The following BTBD8 variants were observed in gnomAD, a reference collection of about 807,000 sequenced individuals.
BTBD8 encodes BTB/POZ domain-containing protein 8.
BTBD8 carries 110 observed loss-of-function variants against 162.9 expected under a neutral mutation model. The observed-to-expected ratio is 0.68, with a 90% CI of 0.58 to 0.79. The LOEUF (loss-of-function observed/expected upper bound fraction) is 0.79. Among genes scored for constraint, BTBD8 ranks in the 30% least tolerant of loss-of-function variants. The pLI is 0.00. For synonymous variants in BTBD8, 667 were observed against 716.1 expected (o/e 0.93, Z 1.10); for missense variants, 1,905 against 2,085.4 (o/e 0.91, Z 1.68).
intron 13 of BTBD8, among the ~76,000 whole-genome samples, chr1:92,171,686 G>A (rs1160649138): frequency 6.6e-6 from 1 of 152,076 alleles, no homozygotes; most frequent in Non-Finnish European, 1.5e-5. Flanking sequence ...TCATTTCCTT[G>A]AAAACCTTTT....
At chr1:92,125,457 A>G (rs969835432) in intron 4 of BTBD8, 3 of 314,576 alleles carry the variant, frequency 9.5e-6, no homozygotes, top group Non-Finnish European at 1.9e-5. Flanking sequence ...TTCCTCAGGG[A>G]ACACTTTGAG....
At chr1:92,144,810 T>TACAC (rs10631515) in intron 7 of BTBD8, among the ~76,000 whole-genome samples, 79,944 of 140,528 alleles carry the variant, frequency 0.57, 22,692 homozygotes, top group East Asian at 0.84. Context: ...AAAAAAAAAC[T>TACAC]ACACACACAC....
At chr1:92,160,588 A>G (rs1206286791) in intron 9 of BTBD8, among the ~76,000 whole-genome samples, 1 of 151,968 alleles carries the variant, frequency 6.6e-6, no homozygotes, top group African/African-American at 2.4e-5. Context: ...CATCTAGAGT[A>G]TCCTGGGTCC....
chr1:92,120,166 A>G (rs1187586596), intron 4 of BTBD8, among the ~76,000 whole-genome samples: 1 of 152,138 alleles, frequency 6.6e-6, no homozygotes, highest in Non-Finnish European at 1.5e-5. Flanking sequence ...TGCTAGGATT[A>G]CAGGTGTGAG....
At chr1:92,082,396 ATTGCT>A in intron 1 of BTBD8, among the ~76,000 whole-genome samples, 1 of 152,302 alleles carries the variant, frequency 6.6e-6, no homozygotes, top group Non-Finnish European at 1.5e-5. Flanking sequence ...TTAATAAAAC[ATTGCT>A]TTGTTGTTTG....
chr1:92,126,312 C>G, intron 4 of BTBD8: 1 of 593,110 alleles, frequency 1.7e-6, no homozygotes, highest in Non-Finnish European at 3.3e-6. Flanking sequence ...ATTTGCATTC[C>G]TGATGAATCA....
chr1:92,091,943 C>A (rs373388121), intron 2 of BTBD8, among the ~76,000 whole-genome samples: 1 of 152,138 alleles, frequency 6.6e-6, no homozygotes, highest in Non-Finnish European at 1.5e-5. Flanking sequence ...GACACTCTTA[C>A]TGAAAATCAG....
rs1649713259 is a variant in BTBD8 at position 92,139,407 on chromosome 1, C to A, written c.810C>A (p.Asp270Glu). Residue 270 changes from aspartate to glutamate, a missense_variant, in exon 6 of 18, where the codon GAC (aspartate) becomes GAA (glutamate). Asp to Glu is a conservative substitution (Grantham distance 45, BLOSUM62 2). This residue lies in a region of BTBD8 where 1,374 missense variants were observed against 1,442.7 expected (regional missense o/e 0.95). Coordinates refer to ENST00000636805, the MANE Select transcript of BTBD8 (RefSeq NM_001376131.1). Reference protein sequence around the residue: ...MMHFIYGGTLDIPDKTNVGQI... With the variant: ...MMHFIYGGTLEIPDKTNVGQI... ...ATTTTATATATGGAGGAACTCTGGA[C>A]ATTCCAGACAAAACTAATGTTGGGT... 3.7e-6 allele frequency: 6 copies of A among 1,603,050 alleles called. No individual in the cohort carries two copies. The highest frequency in any genetic ancestry group is 5.1e-6 in the Non-Finnish European group (6 of 1,177,024).
chr1:92,169,877 A>G (rs1249766313), intron 12 of BTBD8, among the ~76,000 whole-genome samples: 1 of 152,194 alleles, frequency 6.6e-6, no homozygotes, highest in Non-Finnish European at 1.5e-5. Context: ...TGTGATATGA[A>G]GAGCACTTTT....
Position 92,080,737 on chromosome 1 carries a change from AC to A in BTBD8, c.149+18del. 1 of 1,600,194 alleles carries A rather than the reference AC, an allele frequency of 6.2e-7. No homozygotes were observed. The highest frequency in any genetic ancestry group is 8.5e-7 in the Non-Finnish European group (1 of 1,174,496). ...TTTGCTCAGGTAGGAGGAGGCGGGA[AC>A]TCTGGCTGCTTCAGTTCCTAAATCG... On this transcript the variant is annotated intron_variant, in intron 1 of 17. Coordinates refer to ENST00000636805, the MANE Select transcript of BTBD8 (RefSeq NM_001376131.1).
intron 5 of BTBD8, among the ~76,000 whole-genome samples, chr1:92,138,646 T>G (rs1185322423): frequency 6.6e-6 from 1 of 152,224 alleles, no homozygotes; most frequent in Non-Finnish European, 1.5e-5. Context: ...AACCAGTTGT[T>G]GTCCACCAAC....
intron 4 of BTBD8, among the ~76,000 whole-genome samples, chr1:92,121,558 T>C (rs1649211027): frequency 6.6e-6 from 1 of 152,216 alleles, no homozygotes; most frequent in Non-Finnish European, 1.5e-5. Flanking sequence ...TTCATTCTTT[T>C]TTTATAGTTA....
chr1:92,112,656 G>A (rs187968925), intron 4 of BTBD8, among the ~76,000 whole-genome samples: 20 of 152,078 alleles, frequency 1.3e-4, no homozygotes, highest in Admixed American at 1.1e-3. Flanking sequence ...AGTATCCATG[G>A]CACTTAACTT....
At chr1:92,127,425 T>A (rs758509340) in intron 4 of BTBD8, among the ~76,000 whole-genome samples, 1 of 152,234 alleles carries the variant, frequency 6.6e-6, no homozygotes, top group Non-Finnish European at 1.5e-5. Context: ...ACAACTAGAT[T>A]CAGTTGGAAC....
chr1:92,116,571 T>A lies in BTBD8; in HGVS notation c.662+8570T>A, dbSNP rs116830401. Among the ~76,000 whole-genome samples the A allele has an allele frequency of 2.7e-3, 416 of 152,198 alleles. 1 individual carries two copies. The highest frequency in any genetic ancestry group is 7.5e-3 in the South Asian group (36 of 4,830). On this transcript the variant is annotated intron_variant, in intron 4 of 17. Coordinates refer to ENST00000636805, the MANE Select transcript of BTBD8 (RefSeq NM_001376131.1). ...ATAATGAATTGAGTCCTTTTTATTA[T>A]GAAATGTTGCTTTTTACCCCAGGTA...
intron 3 of BTBD8, among the ~76,000 whole-genome samples, chr1:92,106,660 C>CAAAAAAAAAAAAA (rs60676530): frequency 1.0e-4 from 1 of 9,944 alleles, no homozygotes; most frequent in African/African-American, 4.0e-4. Flanking sequence ...GACTCTGTCT[C>CAAAAAAAAAAAAA]AAAAAAAAAA....
chr1:92,153,649 C>T (rs1650095640), intron 9 of BTBD8, among the ~76,000 whole-genome samples: 1 of 152,140 alleles, frequency 6.6e-6, no homozygotes, highest in Non-Finnish European at 1.5e-5. Flanking sequence ...GGATAATGTC[C>T]TCAACATTCA....
intron 12 of BTBD8, among the ~76,000 whole-genome samples, chr1:92,171,064 A>G (rs928944205): frequency 4.1e-4 from 63 of 151,936 alleles, no homozygotes; most frequent in African/African-American, 1.5e-3. Context: ...TAATTTGGAG[A>G]ACTAAATGAA....
intron 4 of BTBD8, among the ~76,000 whole-genome samples, chr1:92,112,428 A>T (rs962364468): frequency 6.6e-6 from 1 of 152,160 alleles, no homozygotes; most frequent in Non-Finnish European, 1.5e-5. Context: ...CAAACTAGGT[A>T]TCATAGTGTA....
Sources: allele counts gnomAD v4.1 joint callset (sites outside exome capture counted in the v4.1 genomes callset), GRCh38; gene constraint gnomAD v4.1.1; regional missense constraint gnomAD v4.1.1; transcripts MANE v1.5; gene names NCBI Gene and HGNC (gene_info 2026-07-23, HGNC 2026-07-21).